The following TNFRSF1B variants were observed in gnomAD, a reference collection of about 807,000 sequenced individuals.
TNFRSF1B encodes tumor necrosis factor receptor superfamily member 1B.
TNFRSF1B carries 19 observed loss-of-function variants against 44.6 expected under a neutral mutation model. That is an observed-to-expected ratio of 0.43 (90% CI 0.30 to 0.62). The LOEUF (loss-of-function observed/expected upper bound fraction) is 0.62. Among genes scored for constraint, TNFRSF1B ranks in the 20% least tolerant of loss-of-function variants. The pLI, the probability that TNFRSF1B is intolerant of heterozygous loss-of-function variation, is 0.16. For missense variants in TNFRSF1B, 541 were observed against 619.9 expected (o/e 0.87, Z 1.35); for synonymous variants, 252 against 261.1 (o/e 0.97, Z 0.34).
At position 12,171,447 on chromosome 1, in the gene TNFRSF1B, G is replaced by A. The variant is rs114148298; in HGVS notation, c.78+4278G>A. ...TGACGTCTCTTGGTCTCCTTCCCTC[G>A]CTTCCTTCTGCTGAAGTAGACAATC... On this transcript the variant is annotated intron_variant, in intron 1 of 9. Coordinates refer to ENST00000376259, the MANE Select transcript of TNFRSF1B (RefSeq NM_001066.3). The surrounding 1 kb of genome is among the most constrained non-coding windows in gnomAD (Gnocchi z 4.5). Among the ~76,000 whole-genome samples the A allele has an allele frequency of 8.5e-5, 13 of 152,048 alleles. No homozygotes were observed. The highest frequency in any genetic ancestry group is 8.5e-4 in the Admixed American group (13 of 15,258).
Position 12,193,073 on chromosome 1 carries a change from C to T in TNFRSF1B, c.762C>T (p.Ser254=), listed in dbSNP as rs755918822. ...PMGPSPPAEG[S]TGDFALPVGL... The stretch of plus-strand genomic sequence containing the variant: ...GCCCCAGCCCCCCAGCTGAAGGGAG[C>T]ACTGGCGACTTCGCTCTTCCAGTTG... The change falls in exon 6 of 10, where the codon AGC becomes AGT. Residue 254 remains serine, a synonymous_variant. Coordinates refer to ENST00000376259, the MANE Select transcript of TNFRSF1B (RefSeq NM_001066.3). 1.9e-6 allele frequency: 3 copies of T among 1,614,110 alleles called. No individual in the cohort carries two copies. The highest frequency in any genetic ancestry group is 2.5e-6 in the Non-Finnish European group (3 of 1,179,986).
At chr1:12,170,027 C>T (rs1045371226) in intron 1 of TNFRSF1B, among the ~76,000 whole-genome samples, 14 of 152,194 alleles carry the variant, frequency 9.2e-5, no homozygotes, top group African/African-American at 3.4e-4. Flanking sequence ...GCCCTGGGGG[C>T]TCTTCCCTCC....
rs532111851 is a variant in TNFRSF1B, at chr1:12,205,198, A to G, written c.1106-1542A>G. On this transcript the variant is annotated intron_variant, in intron 9 of 9. Transcript: ENST00000376259. ...GGGGGTGGAGGGCGCTTCGTGGAGGAGGTGGCCTTTGAGCTAAGGCCTGAG... is the reference window on the plus strand; with the variant it reads ...GGGGGTGGAGGGCGCTTCGTGGAGGGGGTGGCCTTTGAGCTAAGGCCTGAG... Among the ~76,000 whole-genome samples the G allele has an allele frequency of 2.6e-5, 4 of 152,030 alleles. No individual in the cohort carries two copies. In the South Asian group the frequency reaches 8.3e-4, roughly 32 times the overall value.
intron 8 of TNFRSF1B, among the ~76,000 whole-genome samples, chr1:12,196,812 G>A (rs1639276569): frequency 6.6e-6 from 1 of 152,192 alleles, no homozygotes; most frequent in African/African-American, 2.4e-5. Flanking sequence ...GCGTAGAGCA[G>A]GTGTCTCCCC....
chr1:12,206,369 A>G (rs1352256320), intron 9 of TNFRSF1B, among the ~76,000 whole-genome samples: 3 of 151,582 alleles, frequency 2.0e-5, no homozygotes, highest in Non-Finnish European at 4.4e-5. Flanking sequence ...CAAAAAAAAA[A>G]AAAAAAAAGA....
Position 12,168,712 on chromosome 1 carries a change from C to T in TNFRSF1B, c.78+1543C>T, listed in dbSNP as rs11799476. Among the ~76,000 whole-genome samples the T allele has an allele frequency of 9.2e-5, 14 of 152,254 alleles. No individual in the cohort carries two copies. The East Asian group carries it at 2.3e-3, about 25-fold the overall frequency. On this transcript the variant is annotated intron_variant, in intron 1 of 9. Transcript: ENST00000376259. This position sits in a 1 kb window ranked among gnomAD's most constrained non-coding sequence, Gnocchi z 4.7. Reference sequence around the variant, plus strand: ...TCCTTCCCTTCCTGACCAGCTCCTGCGGCAGCTCATATTCCCTCCTCCCTC... The same window carrying T: ...TCCTTCCCTTCCTGACCAGCTCCTGTGGCAGCTCATATTCCCTCCTCCCTC...
chr1:12,202,308 C>CA, intron 9 of TNFRSF1B, 137 bp downstream of exon 9: 1 of 1,362,234 alleles, frequency 7.3e-7, no homozygotes, highest in South Asian at 1.5e-5. Context: ...TCCTTCGGTT[C>CA]GCTGAACCTA....
chr1:12,189,808 G>C (rs683171), intron 2 of TNFRSF1B, among the ~76,000 whole-genome samples: 31,612 of 152,200 alleles, frequency 0.21, 3,395 homozygotes, highest in South Asian at 0.26. Flanking sequence ...GGTCTGGGAA[G>C]GTCTCTCTGA....
intron 1 of TNFRSF1B, among the ~76,000 whole-genome samples, chr1:12,174,540 G>A (rs1008429085): frequency 8.5e-5 from 13 of 152,278 alleles, no homozygotes; most frequent in East Asian, 3.9e-4. Context: ...GAGCCACTGC[G>A]CCCAGCTTCC....
chr1:12,204,809 C>CA (rs200157746), intron 9 of TNFRSF1B, among the ~76,000 whole-genome samples: 1,607 of 151,554 alleles, frequency 0.011, 28 homozygotes, highest in African/African-American at 0.037. Flanking sequence ...CCACCACCAC[C>CA]ACCACCAACA....
intron 1 of TNFRSF1B, 85 bp downstream of exon 1, chr1:12,167,254 C>A: frequency 1.9e-6 from 2 of 1,050,328 alleles, no homozygotes; most frequent in Non-Finnish European, 2.4e-6. Context: ...CCGGGCCGCG[C>A]TCTCCCGGGG....
At position 12,171,465 on chromosome 1, in the gene TNFRSF1B, A is replaced by C. The variant is rs1194102957; in HGVS notation, c.78+4296A>C. On this transcript the variant is annotated intron_variant, in intron 1 of 9. Transcript: ENST00000376259. This position sits in a 1 kb window ranked among gnomAD's most constrained non-coding sequence, Gnocchi z 4.5. ...TTCCCTCGCTTCCTTCTGCTGAAGTAGACAATCCTGCCTGTAGGTGCTCCC... is the reference window on the plus strand; with the variant it reads ...TTCCCTCGCTTCCTTCTGCTGAAGTCGACAATCCTGCCTGTAGGTGCTCCC... Among the ~76,000 whole-genome samples the C allele has an allele frequency of 6.6e-6, 1 of 152,194 alleles. No individual in the cohort carries two copies. The highest frequency in any genetic ancestry group is 1.5e-5 in the Non-Finnish European group (1 of 68,034).
chr1:12,169,710 T>C lies in TNFRSF1B; in HGVS notation c.78+2541T>C, dbSNP rs1638479409. 6.6e-6 allele frequency among the ~76,000 whole-genome samples: 1 copy of C among 152,242 alleles called. No homozygotes were observed. Among genetic ancestry groups the C allele is most frequent in the Admixed American group, 6.5e-5 (1 of 15,284 alleles). ...TTTAAAAGTCTTATTTGCCAGCTGG[T>C]ATGGAAAACATCATTCATTCATTTA... is the stretch of plus-strand genomic sequence containing the variant. On this transcript the variant is annotated intron_variant, in intron 1 of 9. Transcript: ENST00000376259. This position sits in a 1 kb window ranked among gnomAD's most constrained non-coding sequence, Gnocchi z 4.5.
At chr1:12,194,785 G>C (rs1639230558) in intron 8 of TNFRSF1B, among the ~76,000 whole-genome samples, 167 bp downstream of exon 8, 1 of 152,220 alleles carries the variant, frequency 6.6e-6, no homozygotes, top group African/African-American at 2.4e-5. Flanking sequence ...AGCCCTCCAT[G>C]GGCTAAGAGA....
At chr1:12,200,492 C>T (rs1033651558) in intron 8 of TNFRSF1B, among the ~76,000 whole-genome samples, 3 of 152,116 alleles carry the variant, frequency 2.0e-5, no homozygotes, top group African/African-American at 7.2e-5. Flanking sequence ...GACAGCTACT[C>T]AAACCTGCCT....
intron 1 of TNFRSF1B, among the ~76,000 whole-genome samples, chr1:12,174,151 TCTTCTTCTTCTTCTCCTTCTC>T (rs1638587414): frequency 3.1e-5 from 3 of 97,334 alleles, no homozygotes; most frequent in African/African-American, 9.5e-5. Flanking sequence ...TTCTTCTTCT[TCTTCTTCTTCTTCTCCTTCTC>T]CTTCTCCTTC....
intron 1 of TNFRSF1B, among the ~76,000 whole-genome samples, chr1:12,185,585 C>T (rs186332964): frequency 1.0e-3 from 156 of 152,292 alleles, no homozygotes; most frequent in Non-Finnish European, 1.7e-3. Flanking sequence ...AGGCTCCAGA[C>T]GGGGGTTACT....
chr1:12,167,241 T>C, intron 1 of TNFRSF1B, 72 bp downstream of exon 1: 1 of 1,134,820 alleles, frequency 8.8e-7, no homozygotes, highest in Non-Finnish European at 1.1e-6. Flanking sequence ...AGCCTTCGGG[T>C]GCCCGGGCCG....
Position 12,168,410 on chromosome 1 carries a change from G to T in TNFRSF1B, c.78+1241G>T, listed in dbSNP as rs1638442766. Among the ~76,000 whole-genome samples the T allele has an allele frequency of 6.6e-6, 1 of 152,232 alleles. No individual in the cohort carries two copies. Among genetic ancestry groups the T allele is most frequent in the South Asian group, 2.1e-4 (1 of 4,836 alleles). On this transcript the variant is annotated intron_variant, in intron 1 of 9. Coordinates refer to ENST00000376259, the MANE Select transcript of TNFRSF1B (RefSeq NM_001066.3). The surrounding 1 kb of genome is among the most constrained non-coding windows in gnomAD (Gnocchi z 4.7). ...GTGGGTGTCAGGAGTGGGTCCTGGAGAACTGCCCCAGAGTAAGTCCTGGGT... is the reference window on the plus strand; with the variant it reads ...GTGGGTGTCAGGAGTGGGTCCTGGATAACTGCCCCAGAGTAAGTCCTGGGT...
Sources: gnomAD v4.1 joint callset for allele counts (sites outside exome capture counted in the v4.1 genomes callset) on GRCh38, gnomAD v4.1.1 for gene constraint, Gnocchi (gnomAD v3.1) non-coding constraint, MANE v1.5 for transcripts, NCBI Gene and HGNC (gene_info 2026-07-23, HGNC 2026-07-21) for gene names.